CT55: variants seen among roughly 807,000 people sequenced by gnomAD.
The protein encoded by CT55 is BRCA2-interacting protein.
A neutral mutation model predicts 12.6 loss-of-function variants in CT55; 1 was observed. The observed-to-expected ratio is 0.08, with a 90% CI of 0.03 to 0.38. The LOEUF (loss-of-function observed/expected upper bound fraction) is 0.38, where lower values mean the gene tolerates loss of function less well. CT55 is among the 10% of genes least tolerant of loss of function. The probability of loss-of-function intolerance (pLI) is 0.99; values close to 1 mark genes in which losing one functional copy is unlikely to be tolerated. For synonymous variants in CT55, 43 were observed against 49.7 expected (o/e 0.87, Z 0.57); for missense variants, 109 against 135.4 (o/e 0.80, Z 0.97).
chrX:135,170,290 A>T (rs1437817912), intron 1 of CT55, among the ~76,000 whole-genome samples: 1 of 112,545 alleles, frequency 8.9e-6, no homozygotes, highest in Non-Finnish European at 1.9e-5. Context: ...TACAGGTGTG[A>T]GCCACCGCGC....
intron 2 of CT55, among the ~76,000 whole-genome samples, chrX:135,165,805 A>T (rs1286794652): frequency 9.1e-6 from 1 of 110,296 alleles, no homozygotes; most frequent in African/African-American, 3.3e-5. Context: ...TCTGCCTACA[A>T]ATAGGACAAG....
rs782503829 is a variant in CT55, at chrX:135,158,214, A to G, written c.522T>C (p.Cys174=). The change falls in exon 4 of 6, where the codon TGT becomes TGC. Residue 174 remains cysteine, a synonymous_variant. Transcript: ENST00000276241. ...IKATSVKPIR[C]IHTEEVCITS... is the part of the protein sequence containing the mutation. Reference sequence around the variant, plus strand: ...AAGAAATTACCTCTTCCGTATGAATACAACGGATGGGCTTCACAGAAGTTG... The same window carrying G: ...AAGAAATTACCTCTTCCGTATGAATGCAACGGATGGGCTTCACAGAAGTTG... 14 of 1,191,599 alleles carry G rather than the reference A, an allele frequency of 1.2e-5. No homozygotes were observed. In the East Asian group the frequency reaches 2.7e-4, roughly 23 times the overall value.
chrX:135,164,472 A>G (rs781785307), intron 2 of CT55, among the ~76,000 whole-genome samples: 54 of 112,101 alleles, frequency 4.8e-4, no homozygotes, highest in African/African-American at 1.7e-3. Flanking sequence ...TAATAGAGAA[A>G]AATCTCTTAT....
intron 2 of CT55, among the ~76,000 whole-genome samples, chrX:135,161,879 A>G (rs1347226697): frequency 2.7e-5 from 3 of 112,502 alleles, no homozygotes; most frequent in African/African-American, 9.7e-5. Context: ...TCCCATCCAC[A>G]TATCTATCAC....
intron 2 of CT55, among the ~76,000 whole-genome samples, chrX:135,162,332 C>T (rs1227757221): frequency 7.2e-5 from 8 of 111,878 alleles, no homozygotes; most frequent in African/African-American, 2.3e-4. Flanking sequence ...CTTCCTGAAC[C>T]CAGAAGCCAC....
At chrX:135,167,259 A>G (rs1455766464) in intron 2 of CT55, among the ~76,000 whole-genome samples, 6 of 111,891 alleles carry the variant, frequency 5.4e-5, no homozygotes, top group African/African-American at 2.0e-4. Context: ...ACATCAACCA[A>G]TGGAGCAGAA....
At chrX:135,163,227 T>C (rs2083569770) in intron 2 of CT55, among the ~76,000 whole-genome samples, 2 of 112,188 alleles carry the variant, frequency 1.8e-5, no homozygotes, top group Admixed American at 9.4e-5. Context: ...GTGCCAGCAA[T>C]TGACCCTAGA....
Position 135,158,269 on chromosome X carries a change from G to A in CT55, c.467C>T (p.Ser156Phe), listed in dbSNP as rs562170692. The part of the protein sequence containing the change: ...YKGDLLEVEY[S>F]TEPGISNIKA... ...GATGTTTGAGATGCCTGGCTCAGTG[G>A]AATATTCAACTTCTAACAAGTCACC... Residue 156 changes from serine (S) to phenylalanine (F), a missense_variant, in exon 4 of 6, where the codon TCC becomes TTC. By Grantham distance (155) the Ser-to-Phe change is radical. Transcript: ENST00000276241. 2.9e-5 allele frequency: 35 copies of A among 1,206,622 alleles called. No individual in the cohort carries two copies. The South Asian group carries it at 5.5e-4, about 19-fold the overall frequency.
intron 3 of CT55, among the ~76,000 whole-genome samples, 187 bp downstream of exon 3, chrX:135,160,224 C>T (rs1332211045): frequency 2.7e-5 from 3 of 111,023 alleles, no homozygotes; most frequent in Non-Finnish European, 5.7e-5. Context: ...ACACAATAAC[C>T]AACAGCACAC....
Position 135,160,460 on chromosome X carries a change from A to G in CT55, c.375T>C (p.Asn125=), listed in dbSNP as rs1294347945. The G allele has an allele frequency of 2.5e-6, 3 of 1,184,842 alleles. No individual in the cohort carries two copies. The highest frequency in any genetic ancestry group is 3.4e-6 in the Non-Finnish European group (3 of 881,735). ...AATAAATGCTGTTACTAATATAAAT[A>G]TTATCTTCATTTATAGAAGTAACAC... ...IGCVTSINED[N]IYISNSIYFS... Residue 125 remains asparagine, a synonymous_variant, in exon 3 of 6, where the codon AAT becomes AAC. Coordinates refer to ENST00000276241, the MANE Select transcript of CT55 (RefSeq NM_001031705.3).
intron 2 of CT55, among the ~76,000 whole-genome samples, chrX:135,167,006 G>T (rs2083588903): frequency 8.9e-6 from 1 of 112,109 alleles, no homozygotes; most frequent in Non-Finnish European, 1.9e-5. Flanking sequence ...ATAAAATATT[G>T]TTAAAATGTC....
upstream of CT55, among the ~76,000 whole-genome samples, chrX:135,171,719 C>T (rs1478280026): frequency 1.8e-5 from 2 of 111,452 alleles, no homozygotes; most frequent in African/African-American, 3.3e-5. Flanking sequence ...ACTCAGTGGG[C>T]GGTCAATAGT....
At chrX:135,162,293 A>G (rs1207865344) in intron 2 of CT55, among the ~76,000 whole-genome samples, 1 of 112,298 alleles carries the variant, frequency 8.9e-6, no homozygotes, top group Non-Finnish European at 1.9e-5. Flanking sequence ...TACTTGTGTA[A>G]ATTATGTCTT....
chrX:135,166,148 G>A (rs1182428563), intron 2 of CT55, among the ~76,000 whole-genome samples: 8 of 101,325 alleles, frequency 7.9e-5, no homozygotes, highest in African/African-American at 2.9e-4. Flanking sequence ...ACAGAAAGAA[G>A]AGAAAACCAA....
Position 135,160,431 on chromosome X carries a change from GA to G in CT55, c.403del (p.Ser135ProfsTer2). Reference sequence around the variant, plus strand: ...CATACCTTCAGAAACAATGGCTATGGAAAAATAAATGCTGTTACTAATATAA... The same window carrying G: ...CATACCTTCAGAAACAATGGCTATGGAAAATAAATGCTGTTACTAATATAA... ...NIYISNSIYF[S>X]IAIVSEDFVP... On this transcript the variant is annotated frameshift_variant, in exon 3 of 6. Transcript: ENST00000276241. LOFTEE classifies it high-confidence loss of function. 8.6e-7 allele frequency: 1 copy of G among 1,162,604 alleles called. No homozygotes were observed.
chrX:135,160,503 G>A lies in CT55; in HGVS notation c.332C>T (p.Thr111Ile). 2.5e-6 allele frequency: 3 copies of A among 1,200,559 alleles called. No individual in the cohort carries two copies. The highest frequency in any genetic ancestry group is 3.4e-6 in the Non-Finnish European group (3 of 892,233). Residue 111 changes from threonine (T) to isoleucine (I), a missense_variant, in exon 3 of 6, where the codon ACC (threonine) becomes ATC (isoleucine). Physicochemically the swap from Thr to Ile is moderately conservative, Grantham distance 89. Coordinates refer to ENST00000276241, the MANE Select transcript of CT55 (RefSeq NM_001031705.3). ...AGTAACACATCCAATTAAAACTCTGGTTCCTGAGTCTGAGGGTCCAGCACC... is the reference window on the plus strand; with the variant it reads ...AGTAACACATCCAATTAAAACTCTGATTCCTGAGTCTGAGGGTCCAGCACC... ...LYGAGPSDSG[T>I]RVLIGCVTSI...
At chrX:135,168,947 T>A (rs1279209713) in intron 2 of CT55, among the ~76,000 whole-genome samples, 2 of 112,325 alleles carry the variant, frequency 1.8e-5, no homozygotes, top group African/African-American at 6.5e-5. Context: ...TAATTCCAAA[T>A]GAATGATGAG....
intron 2 of CT55, among the ~76,000 whole-genome samples, chrX:135,161,151 C>T (rs2083560733): frequency 9.1e-6 from 1 of 110,275 alleles, no homozygotes. Context: ...GCAATAACCT[C>T]AACTGGGGGA....
At chrX:135,165,025 G>A (rs1287499751) in intron 2 of CT55, among the ~76,000 whole-genome samples, 1 of 111,980 alleles carries the variant, frequency 8.9e-6, no homozygotes, top group Non-Finnish European at 1.9e-5. Flanking sequence ...AGATTGTCCC[G>A]ACAGAACATT....
Sources: gnomAD v4.1 joint callset for allele counts (sites outside exome capture counted in the v4.1 genomes callset) on GRCh38, gnomAD v4.1.1 for gene constraint, MANE v1.5 for transcripts, NCBI Gene and HGNC (gene_info 2026-07-23, HGNC 2026-07-21) for gene names.